The following DUSP11 variants were observed in gnomAD, a reference collection of about 807,000 sequenced individuals.
DUSP11 encodes RNA/RNP complex-1-interacting phosphatase.
A neutral mutation model predicts 41.4 loss-of-function variants in DUSP11; 27 were observed. The observed-to-expected ratio is 0.65, with a 90% confidence interval of 0.48 to 0.90. The LOEUF (loss-of-function observed/expected upper bound fraction) is 0.90. Ranked by LOEUF, DUSP11 falls within the 40% of genes least tolerant of loss-of-function variation. DUSP11 has a pLI of 0.00. For synonymous variants in DUSP11, 188 were observed against 159.3 expected (o/e 1.18, Z -1.35); for missense variants, 465 against 461.1 (o/e 1.01, Z -0.08).
exon 7 of DUSP11, chr2:73,766,889 G>A (rs754284251): frequency 1.1e-5 from 18 of 1,612,896 alleles, no homozygotes; most frequent in South Asian, 3.3e-5. Flanking sequence ...CAATGTCCCC[G>A]GCACCTATTG....
chr2:73,778,233 A>G, intron 2 of DUSP11, 68 bp downstream of exon 2: 1 of 990,614 alleles, frequency 1.0e-6, no homozygotes, highest in Non-Finnish European at 1.5e-6. Context: ...AATGTGATAG[A>G]GTGGAGAGCA....
Position 73,769,983 on chromosome 2 carries a change from A to T in DUSP11, c.575-658T>A, listed in dbSNP as rs542201602. Among the ~76,000 whole-genome samples the T allele has an allele frequency of 2.6e-4, 40 of 152,282 alleles. 2 individuals carry two copies. The highest frequency in any genetic ancestry group is 9.6e-4 in the African/African-American group (40 of 41,566). On this transcript the variant is annotated intron_variant, in intron 4 of 8. Coordinates refer to ENST00000272444, the Ensembl canonical transcript of DUSP11. ...AAAAAATTACATGAGGAATTAAATA[A>T]AAAAAAGTGTAGTTTATCTTTGCAA...
At chr2:73,768,648 G>A (rs1672515837) in intron 5 of DUSP11, 6 of 985,206 alleles carry the variant, frequency 6.1e-6, no homozygotes, top group Non-Finnish European at 7.2e-6. Flanking sequence ...AAAGAACAAC[G>A]CAGGCCTTAA....
At chr2:73,764,692 C>T (rs1454701882) in intron 8 of DUSP11, among the ~76,000 whole-genome samples, 1 of 152,094 alleles carries the variant, frequency 6.6e-6, no homozygotes, top group African/African-American at 2.4e-5. Context: ...ACTGGCTGGG[C>T]GAGGTGGTTC....
intron 3 of DUSP11, 69 bp from the exon 4 acceptor site, chr2:73,773,992 G>T: frequency 2.3e-6 from 3 of 1,297,166 alleles, no homozygotes; most frequent in South Asian, 3.3e-5. Flanking sequence ...AGTAATTAGG[G>T]GACCCAGAAT....
intron 1 of DUSP11, 59 bp downstream of exon 1, chr2:73,779,815 A>G: frequency 6.2e-7 from 1 of 1,602,198 alleles, no homozygotes; most frequent in Non-Finnish European, 8.5e-7. Context: ...CAAACGATGA[A>G]GCCCAGACCC....
chr2:73,766,340 A>C, intron 8 of DUSP11, 78 bp downstream of exon 8: 1 of 1,236,384 alleles, frequency 8.1e-7, no homozygotes, highest in Non-Finnish European at 1.1e-6. Flanking sequence ...ATTCCTCATC[A>C]GTATCATAAT....
Position 73,767,204 on chromosome 2 carries a change from A to G in DUSP11, c.639T>C (p.Tyr213=), listed in dbSNP as rs774389362. Residue 213 remains tyrosine (Y), a synonymous_variant, in exon 6 of 9, where the codon TAT becomes TAC. Transcript: ENST00000272444. ...GCCTCACGCCTTCTACATCAATCAA[A>G]TATCTAACAAAACAACATAATTTGG... 1.9e-6 allele frequency: 3 copies of G among 1,611,840 alleles called. No homozygotes were observed. The Admixed American group carries it at 5.0e-5, about 27-fold the overall frequency.
intron 4 of DUSP11, among the ~76,000 whole-genome samples, chr2:73,770,853 T>A (rs1672560367): frequency 6.6e-6 from 1 of 152,164 alleles, no homozygotes; most frequent in Non-Finnish European, 1.5e-5. Context: ...CCGTTTCTCC[T>A]GCTCTTACCC....
rs924238480 is a variant in DUSP11 at position 73,775,018 on chromosome 2, T to A, written c.345A>T (p.Glu115Asp). ...AAAGATCCAAAGGGGAAAAGCATTC[T>A]TCTGGAGCAAGTTTCTTTTCAAAAC... The change falls in exon 3 of 9, where the codon GAA (glutamate) becomes GAT (aspartate). Residue 115 changes from glutamate to aspartate, a missense_variant. Transcript: ENST00000272444. 3.1e-6 allele frequency: 5 copies of A among 1,611,680 alleles called. No individual in the cohort carries two copies. In the African/African-American group the frequency reaches 6.7e-5, roughly 22 times the overall value.
In DUSP11 at chr2:73,780,020, C is replaced by G. The variant is rs377549210; in HGVS notation, c.96G>C (p.Ala32=). 600 of 1,613,982 alleles carry G rather than the reference C, an allele frequency of 3.7e-4. 1 individual carries two copies. The highest frequency in any genetic ancestry group is 3.5e-4 in the Non-Finnish European group (412 of 1,179,984). ...CACCCAATGCCAAGTCGGCCAAAAG[C>G]GCCAGTCCGGCGCCCTCAATGCCAG... Residue 32 remains alanine (A), a synonymous_variant, in exon 1 of 9, where the codon GCG becomes GCC. Coordinates refer to ENST00000272444, the Ensembl canonical transcript of DUSP11.
At chr2:73,775,668 A>C (rs1443400129) in intron 2 of DUSP11, among the ~76,000 whole-genome samples, 2 of 150,574 alleles carry the variant, frequency 1.3e-5, no homozygotes, top group African/African-American at 2.4e-5. Context: ...ATCCTGGCTA[A>C]CACTGTGAAA....
chr2:73,775,746 C>T (rs899917371), intron 2 of DUSP11, among the ~76,000 whole-genome samples: 1 of 148,778 alleles, frequency 6.7e-6, no homozygotes, highest in African/African-American at 2.5e-5. Flanking sequence ...TCCCAGCTAC[C>T]GGGAGGCTGA....
chr2:73,778,132 A>C (rs1672719391), intron 2 of DUSP11, among the ~76,000 whole-genome samples, 169 bp downstream of exon 2: 1 of 151,986 alleles, frequency 6.6e-6, no homozygotes, highest in Admixed American at 6.6e-5. Flanking sequence ...TTTTTGTTTA[A>C]AATATGAAGT....
rs1180405663 is a variant in DUSP11, at chr2:73,762,510, A to G, written c.*151T>C. The G allele has an allele frequency of 3.5e-5, 16 of 462,090 alleles. 1 individual carries two copies. In the East Asian group the frequency reaches 5.2e-4, roughly 15 times the overall value. The allele number at this position is 462,090 out of a possible 1,614,324, so 28.6% of individuals were successfully genotyped here. The stretch of plus-strand genomic sequence containing the variant: ...CTGTAATTACTGCAAATTTATCAGC[A>G]AAGAGGTAAACAGCAATGCAATTTT... On this transcript the variant is annotated 3_prime_UTR_variant, in exon 9 of 9. Coordinates refer to ENST00000272444, the Ensembl canonical transcript of DUSP11.
At chr2:73,779,671 A>C (rs1672755025) in intron 1 of DUSP11, 1 of 776,290 alleles carries the variant, frequency 1.3e-6, no homozygotes. Flanking sequence ...CCCTTTTACA[A>C]GAATATGGAG....
chr2:73,774,353 T>C (rs902920459), intron 3 of DUSP11, among the ~76,000 whole-genome samples: 3 of 152,164 alleles, frequency 2.0e-5, no homozygotes, highest in African/African-American at 7.2e-5. Flanking sequence ...AGAACCGATA[T>C]TCTTGGGGTG....
chr2:73,776,019 T>C (rs1334167824), intron 2 of DUSP11, among the ~76,000 whole-genome samples: 1 of 152,072 alleles, frequency 6.6e-6, no homozygotes, highest in Non-Finnish European at 1.5e-5. Context: ...ATGGCTTTCA[T>C]TGCTGAATAT....
chr2:73,762,722 C>A (rs1318797082), exon 9 of DUSP11: 1 of 1,613,764 alleles, frequency 6.2e-7, no homozygotes. Flanking sequence ...AGGATACCAC[C>A]TTCTTCTATC....
Sources: allele counts gnomAD v4.1 joint callset (sites outside exome capture counted in the v4.1 genomes callset), GRCh38; gene constraint gnomAD v4.1.1; transcripts MANE v1.5; gene names NCBI Gene and HGNC (gene_info 2026-07-23, HGNC 2026-07-21).